ARHGAP19: variants seen among roughly 807,000 people sequenced by gnomAD.
The protein encoded by ARHGAP19 is rho GTPase-activating protein 19.
A neutral mutation model predicts 60.9 loss-of-function variants in ARHGAP19; 48 were observed. The ratio of observed to expected loss-of-function variants is 0.79; its 90% CI spans 0.62 to 1.00. The LOEUF (loss-of-function observed/expected upper bound fraction) is 1.00. ARHGAP19 is among the 50% of genes least tolerant of loss of function. The pLI, the probability that ARHGAP19 is intolerant of heterozygous loss-of-function variation, is 0.00. For synonymous variants in ARHGAP19, 209 were observed against 215.5 expected (o/e 0.97, Z 0.27); for missense variants, 562 against 597.2 (o/e 0.94, Z 0.61).
At chr10:97,284,396 T>A (rs568097787) in intron 1 of ARHGAP19, among the ~76,000 whole-genome samples, 62 of 152,280 alleles carry the variant, frequency 4.1e-4, no homozygotes, top group African/African-American at 1.5e-3. Flanking sequence ...GTGCTGGGAT[T>A]ATAGGCGTGA....
chr10:97,231,824 G>A (rs1477674601), intron 9 of ARHGAP19, among the ~76,000 whole-genome samples: 1 of 152,058 alleles, frequency 6.6e-6, no homozygotes, highest in East Asian at 1.9e-4. Context: ...TATATACCGG[G>A]AGTAGCATTG....
chr10:97,259,150 T>C (rs1842794098), intron 5 of ARHGAP19, among the ~76,000 whole-genome samples: 1 of 152,242 alleles, frequency 6.6e-6, no homozygotes, highest in Non-Finnish European at 1.5e-5. Flanking sequence ...TCAGTAGTTA[T>C]AATTTCCCAC....
chr10:97,234,386 A>G (rs7092389), intron 9 of ARHGAP19, among the ~76,000 whole-genome samples: 9,661 of 149,418 alleles, frequency 0.065, 413 homozygotes, highest in East Asian at 0.16. Flanking sequence ...AAACCTGCAC[A>G]TCCTGCACAT....
chr10:97,288,809 C>CTTTTTTTTT (rs750951743), intron 1 of ARHGAP19, among the ~76,000 whole-genome samples: 9 of 120,008 alleles, frequency 7.5e-5, no homozygotes, highest in African/African-American at 1.8e-4. Flanking sequence ...AACTTCTCTC[C>CTTTTTTTTT]TTTTTTTTTT....
At chr10:97,266,217 A>G (rs1462474754) in intron 1 of ARHGAP19, 92 bp from the exon 2 acceptor site, 1 of 1,448,472 alleles carries the variant, frequency 6.9e-7, no homozygotes, top group Admixed American at 1.9e-5. Flanking sequence ...ACTCCACGCA[A>G]AGGCAGAGGT....
At chr10:97,246,438 G>C in intron 6 of ARHGAP19, 101 bp from the exon 7 acceptor site, 2 of 933,954 alleles carry the variant, frequency 2.1e-6, no homozygotes, top group South Asian at 1.5e-5. Flanking sequence ...TTGACCAGCA[G>C]ATTACTTTTA....
intron 6 of ARHGAP19, among the ~76,000 whole-genome samples, chr10:97,251,524 G>A (rs1416997887): frequency 8.5e-4 from 1 of 1,178 alleles, no homozygotes; most frequent in Non-Finnish European, 2.4e-3. Flanking sequence ...GGGAAGGGGA[G>A]GGGAAGGGGA....
chr10:97,230,018 T>C (rs1269242055), intron 9 of ARHGAP19, 144 bp from the exon 10 acceptor site: 3 of 611,350 alleles, frequency 4.9e-6, no homozygotes, highest in Non-Finnish European at 8.3e-6. Flanking sequence ...TCAGGCCATC[T>C]TATACAAGAG....
At chr10:97,280,934 C>G (rs1843076535) in intron 1 of ARHGAP19, among the ~76,000 whole-genome samples, 1 of 152,172 alleles carries the variant, frequency 6.6e-6, no homozygotes, top group East Asian at 1.9e-4. Context: ...ACTAGAAGTA[C>G]TTCTACGTAT....
chr10:97,252,436 CATGGTGAAACCCCGTCTCTACTAAAAAT>C lies in ARHGAP19; in HGVS notation c.927+3854_927+3881del, dbSNP rs569362720. On this transcript the variant is annotated intron_variant, in intron 6 of 11. Transcript: ENST00000358531. ...AGGAGATCGAGACCATCCTGGCTAA[CATGGTGAAACCCCGTCTCTACTAAAAAT>C]ACAAAAAAAATTAGCCGGGCGTGGT... is the stretch of plus-strand genomic sequence containing the variant. Among the ~76,000 whole-genome samples, 438 of 151,786 alleles carry C rather than the reference CATGGTGAAACCCCGTCTCTACTAAAAAT, an allele frequency of 2.9e-3. 2 individuals are homozygous for C. Among genetic ancestry groups the C allele is most frequent in the African/African-American group, 0.01 (415 of 41,408 alleles).
At position 97,266,137 on chromosome 10, in the gene ARHGAP19, AG is replaced by A; in HGVS notation, c.57-13del. The A allele has an allele frequency of 6.2e-7, 1 of 1,612,504 alleles. No homozygotes were observed. Among genetic ancestry groups the A allele is most frequent in the Non-Finnish European group, 8.5e-7 (1 of 1,179,106 alleles). ...TGCAGATGGCATCACTGAAAAACAC[AG>A]AAGAAAATCTTTCGGGACATCATTT... On this transcript the variant is annotated splice_polypyrimidine_tract_variant and intron_variant, in intron 1 of 11. Coordinates refer to ENST00000358531, the MANE Select transcript of ARHGAP19 (RefSeq NM_032900.6).
In ARHGAP19 at chr10:97,253,745, T is replaced by A. The variant is rs143245241; in HGVS notation, c.927+2573A>T. The stretch of plus-strand genomic sequence containing the variant: ...ATTCAATCCAAGTAACAAAATATCA[T>A]ATGTACCCAATAAATATGTACAAAT... On this transcript the variant is annotated intron_variant, in intron 6 of 11. Coordinates refer to ENST00000358531, the MANE Select transcript of ARHGAP19 (RefSeq NM_032900.6). Among the ~76,000 whole-genome samples the A allele has an allele frequency of 1.5e-3, 227 of 152,314 alleles. 1 individual carries two copies. The highest frequency in any genetic ancestry group is 6.8e-3 in the Middle Eastern group (2 of 294).
chr10:97,290,787 C>CA (rs1843220671), intron 1 of ARHGAP19, among the ~76,000 whole-genome samples: 1 of 152,130 alleles, frequency 6.6e-6, no homozygotes, highest in African/African-American at 2.4e-5. Context: ...CCTGCTAGCC[C>CA]ATGCTCCGAT....
chr10:97,278,836 C>G (rs1843050275), intron 1 of ARHGAP19, among the ~76,000 whole-genome samples: 1 of 151,796 alleles, frequency 6.6e-6, no homozygotes, highest in South Asian at 2.1e-4. Context: ...CTGCATCCTG[C>G]AGATGTATCT....
At chr10:97,270,644 G>C in intron 1 of ARHGAP19, 1 of 1,548,012 alleles carries the variant, frequency 6.5e-7, no homozygotes, top group Non-Finnish European at 8.7e-7. Context: ...TTGGTAAATC[G>C]AAGAGACAGG....
intron 1 of ARHGAP19, chr10:97,270,637 G>A (rs1842949694): frequency 6.5e-7 from 1 of 1,548,342 alleles, no homozygotes; most frequent in African/African-American, 1.4e-5. Flanking sequence ...TGAGGCATTG[G>A]TAAATCGAAG....
chr10:97,282,894 G>C (rs1370383980), intron 1 of ARHGAP19, among the ~76,000 whole-genome samples: 1 of 139,548 alleles, frequency 7.2e-6, no homozygotes, highest in Non-Finnish European at 1.5e-5. Flanking sequence ...CCAGGCTGGA[G>C]TGCAGTGGTG....
chr10:97,251,702 G>GGGGGCA (rs1177510937), intron 6 of ARHGAP19, among the ~76,000 whole-genome samples: 2 of 744 alleles, frequency 2.7e-3, no homozygotes, highest in Admixed American at 0.013. Flanking sequence ...GGGAGGGGGA[G>GGGGGCA]GGGAAGGGAA....
At chr10:97,244,414 G>A (rs793529) in intron 7 of ARHGAP19, among the ~76,000 whole-genome samples, 132,502 of 152,098 alleles carry the variant, frequency 0.87, 59,020 homozygotes, top group Non-Finnish European at 0.97. Flanking sequence ...TTATATTTGT[G>A]TAAGAGTTTA....
Sources: gnomAD v4.1 joint callset for allele counts (sites outside exome capture counted in the v4.1 genomes callset) on GRCh38, gnomAD v4.1.1 for gene constraint, MANE v1.5 for transcripts, NCBI Gene and HGNC (gene_info 2026-07-23, HGNC 2026-07-21) for gene names.